Variants in SLC26A2 observed in about 807,000 individuals in gnomAD.
The protein encoded by SLC26A2 is sulfate transporter.
Under a neutral mutation model 41.1 loss-of-function variants are expected in SLC26A2, and 36 were observed. That is an observed-to-expected ratio of 0.88 (90% CI 0.67 to 1.16). SLC26A2 has a LOEUF of 1.16. Among genes scored for constraint, SLC26A2 ranks in the 50% most tolerant of loss-of-function variants. The pLI is 0.00. For synonymous variants in SLC26A2, 291 were observed against 311.6 expected (o/e 0.93, Z 0.70); for missense variants, 796 against 869.6 (o/e 0.92, Z 1.07).
In SLC26A2 at chr5:149,984,911, AC is replaced by A. The variant is rs1755170850; in HGVS notation, c.*3099del. ...AGCCTTATTTATTTTTAAGTTTGTT[AC>A]AGCCAAAGGGTTGGAGTGTGCCAGT... is the stretch of plus-strand genomic sequence containing the variant. On this transcript the variant is annotated 3_prime_UTR_variant, in exon 3 of 3. Coordinates refer to ENST00000286298, the MANE Select transcript of SLC26A2 (RefSeq NM_000112.4). 6.6e-6 allele frequency: 1 copy of A among 152,266 alleles called. No homozygotes were observed. The highest frequency in any genetic ancestry group is 2.1e-4 in the South Asian group (1 of 4,836). 9.4% of individuals were successfully genotyped at this position (152,266 alleles called of 1,614,324 possible).
In SLC26A2 at chr5:149,983,774, C is replaced by T. The variant is rs1233391135; in HGVS notation, c.*1961C>T. The T allele has an allele frequency of 6.6e-6, 1 of 152,352 alleles. No individual in the cohort carries two copies. The highest frequency in any genetic ancestry group is 1.5e-5 in the Non-Finnish European group (1 of 68,238). The allele number at this position is 152,352 out of a possible 1,614,324, so 9.4% of individuals were successfully genotyped here. A position where few individuals can be genotyped will look rare whatever the true frequency, so the allele number is the denominator to read the frequency against. Reference sequence around the variant, plus strand: ...AAATTTTTTTCTAGAGAGAGGGTCTCACTGTGTTGCCCAGGCTGGTCTCAA... The same window carrying T: ...AAATTTTTTTCTAGAGAGAGGGTCTTACTGTGTTGCCCAGGCTGGTCTCAA... On this transcript the variant is annotated 3_prime_UTR_variant, in exon 3 of 3. Transcript: ENST00000286298.
intron 2 of SLC26A2, among the ~76,000 whole-genome samples, chr5:149,978,598 G>C: frequency 6.6e-6 from 1 of 152,046 alleles, no homozygotes; most frequent in Non-Finnish European, 1.5e-5. Flanking sequence ...TCTTGGCTTT[G>C]CTTGAGATTA....
rs115620919 is a variant in SLC26A2, at chr5:149,981,438, G to C, written c.1845G>C (p.Lys615Asn). The change falls in exon 3 of 3, where the codon AAG (lysine) becomes AAC (asparagine). Residue 615 changes from lysine to asparagine, a missense_variant. By Grantham distance (94) the Lys-to-Asn change is moderately conservative. Transcript: ENST00000286298. Reference protein sequence around the residue: ...NPILIKVAWKKAAKRKIKEKV... With the variant: ...NPILIKVAWKNAAKRKIKEKV... Reference sequence around the variant, plus strand: ...TCTTAATAAAGGTGGCTTGGAAGAAGGCAGCAAAGAGAAAGATCAAAGAAA... The same window carrying C: ...TCTTAATAAAGGTGGCTTGGAAGAACGCAGCAAAGAGAAAGATCAAAGAAA... The C allele has an allele frequency of 6.2e-7, 1 of 1,613,940 alleles. No homozygotes were observed. Among genetic ancestry groups the C allele is most frequent in the African/African-American group, 1.3e-5 (1 of 74,904 alleles).
chr5:149,972,006 C>T (rs1462779611), intron 1 of SLC26A2, among the ~76,000 whole-genome samples: 1 of 152,150 alleles, frequency 6.6e-6, no homozygotes, highest in Non-Finnish European at 1.5e-5. Flanking sequence ...TTAAACATAA[C>T]ATTCTCATTT....
intron 2 of SLC26A2, 109 bp from the exon 3 acceptor site, chr5:149,980,184 A>G (rs563152094): frequency 2.3e-6 from 2 of 867,826 alleles, no homozygotes; most frequent in East Asian, 4.9e-5. Flanking sequence ...TAGCTCTGAC[A>G]TTCTGTGATG....
chr5:149,965,458 C>A (rs1304138920), intron 1 of SLC26A2, among the ~76,000 whole-genome samples: 3 of 95,304 alleles, frequency 3.1e-5, no homozygotes, highest in East Asian at 3.4e-4. Context: ...TCAGCCTGGG[C>A]AACAGAGCAA....
In SLC26A2 at chr5:149,980,489, A is replaced by G; in HGVS notation, c.896A>G (p.Lys299Arg). 1 of 1,614,138 alleles carries G rather than the reference A, an allele frequency of 6.2e-7. No individual in the cohort carries two copies. Among genetic ancestry groups the G allele is most frequent in the Non-Finnish European group, 8.5e-7 (1 of 1,180,022 alleles). The change falls in exon 3 of 3, where the codon AAG becomes AGG. Residue 299 changes from lysine to arginine, a missense_variant. Physicochemically the swap from Lys to Arg is conservative, Grantham distance 26. Transcript: ENST00000286298. ...TWIHVFRNIH[K>R]TNLCDLITSL... ...ATACATGTCTTCAGAAACATCCATA[A>G]GACCAATCTCTGTGATCTTATCACC...
chr5:149,963,120 ATTTT>A (rs869094261), intron 1 of SLC26A2, among the ~76,000 whole-genome samples: 3 of 121,588 alleles, frequency 2.5e-5, no homozygotes, highest in Non-Finnish European at 5.8e-5. Context: ...TTATTTATTT[ATTTT>A]TTGAGATGGA....
Position 149,980,600 on chromosome 5 carries a change from A to G in SLC26A2, c.1007A>G (p.Glu336Gly). The change falls in exon 3 of 3, where the codon GAA becomes GGA. Residue 336 changes from glutamate to glycine, a missense_variant. Physicochemically the swap from Glu to Gly is moderately conservative, Grantham distance 98. Transcript: ENST00000286298. Reference sequence around the variant, plus strand: ...AAGCTTAAGGCACCGATTCCTATTGAACTTGTTGTTGTTGTAGCAGCCACA... The same window carrying G: ...AAGCTTAAGGCACCGATTCCTATTGGACTTGTTGTTGTTGTAGCAGCCACA... ...KSKLKAPIPI[E>G]LVVVVAATLA... 1.9e-6 allele frequency: 3 copies of G among 1,614,124 alleles called. No individual in the cohort carries two copies. Among genetic ancestry groups the G allele is most frequent in the Non-Finnish European group, 1.7e-6 (2 of 1,180,016 alleles).
chr5:149,981,100 A>G lies in SLC26A2; in HGVS notation c.1507A>G (p.Lys503Glu). ...GALRKFRDLPKMWSISRMDTV... is the reference protein window; with the variant it reads ...GALRKFRDLPEMWSISRMDTV... Reference sequence around the variant, plus strand: ...CCTTCGTAAATTTAGGGATCTTCCCAAAATGTGGAGTATTAGTAGAATGGA... The same window carrying G: ...CCTTCGTAAATTTAGGGATCTTCCCGAAATGTGGAGTATTAGTAGAATGGA... The change falls in exon 3 of 3, where the codon AAA becomes GAA. Residue 503 changes from lysine to glutamate, a missense_variant. Coordinates refer to ENST00000286298, the MANE Select transcript of SLC26A2 (RefSeq NM_000112.4). 2 of 1,614,140 alleles carry G rather than the reference A, an allele frequency of 1.2e-6. No individual in the cohort carries two copies. Among genetic ancestry groups the G allele is most frequent in the Non-Finnish European group, 1.7e-6 (2 of 1,179,982 alleles).
At chr5:149,970,823 A>G (rs1392249541) in intron 1 of SLC26A2, among the ~76,000 whole-genome samples, 2 of 152,208 alleles carry the variant, frequency 1.3e-5, no homozygotes, top group African/African-American at 4.8e-5. Flanking sequence ...GGCACAACAG[A>G]CAGGATTTAC....
At chr5:149,979,690 A>C (rs963700280) in intron 2 of SLC26A2, among the ~76,000 whole-genome samples, 1 of 151,960 alleles carries the variant, frequency 6.6e-6, no homozygotes, top group East Asian at 1.9e-4. Flanking sequence ...GTACATATAT[A>C]CTGCATGAGA....
chr5:149,967,746 C>G (rs865835662), intron 1 of SLC26A2, among the ~76,000 whole-genome samples: 24 of 151,930 alleles, frequency 1.6e-4, no homozygotes, highest in Non-Finnish European at 1.8e-4. Flanking sequence ...CTCTCTCTCT[C>G]TGTGTATATA....
intron 1 of SLC26A2, among the ~76,000 whole-genome samples, chr5:149,970,328 C>T (rs986207585): frequency 1.3e-5 from 2 of 151,988 alleles, no homozygotes; most frequent in Admixed American, 1.3e-4. Flanking sequence ...GGAAACATAG[C>T]AAGACCCTGT....
At chr5:149,977,177 T>G in intron 1 of SLC26A2, among the ~76,000 whole-genome samples, 1 of 152,238 alleles carries the variant, frequency 6.6e-6, no homozygotes, top group South Asian at 2.1e-4. Context: ...CTTCCTTGTT[T>G]CAGGGACTGG....
At chr5:149,971,979 C>T (rs1754913177) in intron 1 of SLC26A2, among the ~76,000 whole-genome samples, 1 of 152,174 alleles carries the variant, frequency 6.6e-6, no homozygotes, top group African/African-American at 2.4e-5. Flanking sequence ...ACTAATCCCC[C>T]ATAACCATTC....
At chr5:149,961,152 G>A (rs190421139) in intron 1 of SLC26A2, among the ~76,000 whole-genome samples, 173 bp downstream of exon 1, 2,123 of 152,350 alleles carry the variant, frequency 0.014, 168 homozygotes, top group Admixed American at 0.13. Context: ...GGTGGTCCGG[G>A]GCCGGGCGAG....
rs1755156187 is a variant in SLC26A2 at position 149,984,270 on chromosome 5, G to A, written c.*2457G>A. On this transcript the variant is annotated 3_prime_UTR_variant, in exon 3 of 3. Transcript: ENST00000286298. ...ATTTACATTTCATCCTCTCTACTTGGGTTGAGGTTGCCTATACTTGCATAT... is the reference window on the plus strand; with the variant it reads ...ATTTACATTTCATCCTCTCTACTTGAGTTGAGGTTGCCTATACTTGCATAT... 1.3e-5 allele frequency: 2 copies of A among 152,180 alleles called. No individual in the cohort carries two copies. Among genetic ancestry groups the A allele is most frequent in the Admixed American group, 1.3e-4 (2 of 15,280 alleles). 9.4% of individuals were successfully genotyped at this position (152,180 alleles called of 1,614,324 possible).
At position 149,984,102 on chromosome 5, in the gene SLC26A2, T is replaced by C. The variant is rs886060238; in HGVS notation, c.*2289T>C. On this transcript the variant is annotated 3_prime_UTR_variant, in exon 3 of 3. Coordinates refer to ENST00000286298, the MANE Select transcript of SLC26A2 (RefSeq NM_000112.4). Reference sequence around the variant, plus strand: ...CCTTTACCAGCGATTTCTGTCCATATGTGGATGTAAACAGTTCTGGAACGT... The same window carrying C: ...CCTTTACCAGCGATTTCTGTCCATACGTGGATGTAAACAGTTCTGGAACGT... 4 of 152,358 alleles carry C rather than the reference T, an allele frequency of 2.6e-5. No homozygotes were observed. The East Asian group carries it at 7.7e-4, about 29-fold the overall frequency. 9.4% of individuals were successfully genotyped at this position (152,358 alleles called of 1,614,324 possible).
Sources: gnomAD v4.1 joint callset for allele counts (sites outside exome capture counted in the v4.1 genomes callset) on GRCh38, gnomAD v4.1.1 for gene constraint, MANE v1.5 for transcripts, NCBI Gene and HGNC (gene_info 2026-07-23, HGNC 2026-07-21) for gene names.